Variants in SLC25A37 observed in about 807,000 individuals in gnomAD.
SLC25A37 encodes the protein mitoferrin-1.
SLC25A37 carries 17 observed loss-of-function variants against 31.0 expected under a neutral mutation model. The observed-to-expected ratio is 0.55, with a 90% CI of 0.38 to 0.82. The LOEUF is 0.82. SLC25A37 is among the 40% of genes least tolerant of loss of function. The pLI, the probability that SLC25A37 is intolerant of heterozygous loss-of-function variation, is 0.00. For missense variants in SLC25A37, 404 were observed against 465.8 expected, an observed-to-expected ratio of 0.87 and a Z score of 1.22; for synonymous variants, 222 against 193.0, an observed-to-expected ratio of 1.15 and a Z score of -1.24.
At chr8:23,554,924 T>C (rs1563260498) in intron 1 of SLC25A37, among the ~76,000 whole-genome samples, 1 of 152,208 alleles carries the variant, frequency 6.6e-6, no homozygotes. Flanking sequence ...ATCATATTGC[T>C]GTTGGGTGCG....
chr8:23,571,671 G>T lies in SLC25A37; in HGVS notation c.833G>T (p.Arg278Leu), dbSNP rs773587189. ...VALSLANISG[R>L]LSGMANAFRT... is the part of the protein sequence containing the mutation. ...CTCTCGCTGGCCAACATCAGCGGCC[G>T]GCTGTCGGGTATGGCCAATGCCTTC... is the stretch of plus-strand genomic sequence containing the variant. Residue 278 changes from arginine to leucine, a missense_variant, in exon 4 of 4, where the codon CGG becomes CTG. By Grantham distance (102) the Arg-to-Leu change is moderately radical. Around this residue, in one of 3 missense-constraint regions of SLC25A37, gnomAD observed 243 missense variants for 284.4 expected, o/e 0.85. Coordinates refer to ENST00000519973, the MANE Select transcript of SLC25A37 (RefSeq NM_016612.4). 27 of 1,613,936 alleles carry T rather than the reference G, an allele frequency of 1.7e-5. No homozygotes were observed. The South Asian group carries it at 3.0e-4, about 18-fold the overall frequency.
At chr8:23,566,039 C>A in intron 1 of SLC25A37, 69 bp from the exon 2 acceptor site, 1 of 1,496,660 alleles carries the variant, frequency 6.7e-7, no homozygotes, top group East Asian at 2.6e-5. Flanking sequence ...TTCTCCAGGT[C>A]TTATTTTCCT....
At position 23,550,188 on chromosome 8, in the gene SLC25A37, A is replaced by G. The variant is rs1490409501; in HGVS notation, c.211-15920A>G. Among the ~76,000 whole-genome samples, 8 of 135,858 alleles carry G rather than the reference A, an allele frequency of 5.9e-5. 3 individuals carry two copies. The highest frequency in any genetic ancestry group is 2.7e-4 in the African/African-American group (8 of 29,936). 89.1% of individuals were successfully genotyped at this position (135,858 alleles called of 152,430 possible). A position where few individuals can be genotyped will look rare whatever the true frequency, so the allele number is the denominator to read the frequency against. ...AAGAGCGAAATTCCGTTTCAAAAAAAAAAAAAAAAAAAACACAAAAAAACA... is the reference window on the plus strand; with the variant it reads ...AAGAGCGAAATTCCGTTTCAAAAAAGAAAAAAAAAAAAACACAAAAAAACA... On this transcript the variant is annotated intron_variant, in intron 1 of 3. Coordinates refer to ENST00000519973, the MANE Select transcript of SLC25A37 (RefSeq NM_016612.4).
intron 1 of SLC25A37, among the ~76,000 whole-genome samples, chr8:23,550,472 A>T (rs1802193831): frequency 6.6e-6 from 1 of 152,212 alleles, no homozygotes; most frequent in African/African-American, 2.4e-5. Context: ...TTCTGTGGAT[A>T]ATAGGCTAAT....
intron 1 of SLC25A37, among the ~76,000 whole-genome samples, chr8:23,540,543 CAT>C (rs1296774840): frequency 1.3e-5 from 2 of 152,174 alleles, no homozygotes; most frequent in Non-Finnish European, 2.9e-5. Context: ...AGGATGATGA[CAT>C]ATGGTTATTG....
At chr8:23,542,989 A>G (rs1345289001) in intron 1 of SLC25A37, 1 of 152,298 alleles carries the variant, frequency 6.6e-6, no homozygotes, top group Non-Finnish European at 1.5e-5. Context: ...GCCAAGTGTT[A>G]TTACAAGAGT....
chr8:23,548,476 GC>G (rs1231035761), intron 1 of SLC25A37, among the ~76,000 whole-genome samples: 5 of 125,930 alleles, frequency 4.0e-5, no homozygotes, highest in Non-Finnish European at 7.9e-5. Flanking sequence ...CCACGTCCGG[GC>G]TTTTTTTTTT....
chr8:23,561,984 C>T (rs548912645), intron 1 of SLC25A37, among the ~76,000 whole-genome samples: 14 of 152,304 alleles, frequency 9.2e-5, no homozygotes, highest in Non-Finnish European at 1.8e-4. Flanking sequence ...GTCCAAAGTG[C>T]GATCTCAGTA....
intron 1 of SLC25A37, among the ~76,000 whole-genome samples, chr8:23,563,385 G>A (rs1298423680): frequency 6.6e-6 from 1 of 152,034 alleles, no homozygotes; most frequent in Non-Finnish European, 1.5e-5. Flanking sequence ...TGAGGTCTCA[G>A]TATATTGCCC....
At chr8:23,559,051 C>G (rs1257998842) in intron 1 of SLC25A37, among the ~76,000 whole-genome samples, 2 of 152,218 alleles carry the variant, frequency 1.3e-5, no homozygotes, top group African/African-American at 4.8e-5. Flanking sequence ...TGTTTTCACA[C>G]GTGTGTTTGG....
chr8:23,570,972 G>A (rs1053218357), intron 3 of SLC25A37, among the ~76,000 whole-genome samples: 1 of 152,178 alleles, frequency 6.6e-6, no homozygotes, highest in Admixed American at 6.5e-5. Context: ...CAGCTTTGTG[G>A]TGGGTCCTGA....
chr8:23,570,496 A>ATATT (rs1802795294), intron 3 of SLC25A37, among the ~76,000 whole-genome samples: 1 of 152,182 alleles, frequency 6.6e-6, no homozygotes, highest in East Asian at 1.9e-4. Flanking sequence ...ATTCGCTTAC[A>ATATT]TATTATATAT....
chr8:23,535,910 C>T (rs1238850842), intron 1 of SLC25A37, among the ~76,000 whole-genome samples: 2 of 152,160 alleles, frequency 1.3e-5, no homozygotes, highest in African/African-American at 4.8e-5. Flanking sequence ...CTGGGTCCCT[C>T]CCATAACACG....
intron 1 of SLC25A37, among the ~76,000 whole-genome samples, chr8:23,539,624 C>G (rs1291462731): frequency 1.3e-5 from 2 of 152,210 alleles, no homozygotes; most frequent in Admixed American, 1.3e-4. Flanking sequence ...AAACCTTGGG[C>G]TAATCATTTC....
At chr8:23,564,401 G>T (rs539990549) in intron 1 of SLC25A37, among the ~76,000 whole-genome samples, 236 of 113,204 alleles carry the variant, frequency 2.1e-3, no homozygotes, top group Non-Finnish European at 3.3e-3. Flanking sequence ...TTATGATTTT[G>T]TTTGGAGATA....
chr8:23,544,396 C>T (rs971157242), intron 1 of SLC25A37, among the ~76,000 whole-genome samples: 10 of 152,128 alleles, frequency 6.6e-5, no homozygotes, highest in Non-Finnish European at 1.0e-4. Context: ...AACATATCCC[C>T]GTCATTTGCG....
intron 1 of SLC25A37, among the ~76,000 whole-genome samples, chr8:23,533,902 AG>A (rs1585440926): frequency 6.6e-6 from 1 of 151,920 alleles, no homozygotes; most frequent in East Asian, 1.9e-4. Context: ...TTGTCATAGG[AG>A]GGGTATATCC....
intron 1 of SLC25A37, among the ~76,000 whole-genome samples, chr8:23,530,592 C>T (rs543139911): frequency 2.6e-5 from 4 of 152,334 alleles, no homozygotes; most frequent in South Asian, 4.1e-4. Flanking sequence ...GAATGGTTCT[C>T]ATCTCCAGGA....
At chr8:23,538,522 C>CGT (rs202005751) in intron 1 of SLC25A37, among the ~76,000 whole-genome samples, 2,252 of 108,878 alleles carry the variant, frequency 0.021, 34 homozygotes, top group South Asian at 0.056. Context: ...CGTTGTTTGT[C>CGT]GTGTGTGTGT....
Sources: gnomAD v4.1 joint callset for allele counts (sites outside exome capture counted in the v4.1 genomes callset) on GRCh38, gnomAD v4.1.1 for gene constraint, gnomAD v4.1.1 regional missense constraint, MANE v1.5 for transcripts, NCBI Gene and HGNC (gene_info 2026-07-23, HGNC 2026-07-21) for gene names.